AGAP1: variants seen among roughly 807,000 people sequenced by gnomAD.
AGAP1 encodes the protein ArfGAP with GTPase domain, ankyrin repeat and PH domain 1, also known as arf-GAP with GTPase, ANK repeat and PH domain-containing protein 1.
In AGAP1, 29 loss-of-function variants were observed where a neutral mutation model predicts 105.3. The observed-to-expected ratio is 0.28, with a 90% confidence interval of 0.21 to 0.38. AGAP1 has a LOEUF of 0.38. Among genes scored for constraint, AGAP1 ranks in the 10% least tolerant of loss-of-function variants. The pLI is 1.00. For synonymous variants in AGAP1, 509 were observed against 485.9 expected (o/e 1.05, Z -0.63); for missense variants, 998 against 1,165.1 (o/e 0.86, Z 2.09).
chr2:235,984,547 C>A (rs544664663), intron 13 of AGAP1, among the ~76,000 whole-genome samples: 1 of 149,052 alleles, frequency 6.7e-6, no homozygotes, highest in Non-Finnish European at 1.5e-5. Flanking sequence ...CATAGGTATA[C>A]ATATGCCATG....
At position 235,660,656 on chromosome 2, in the gene AGAP1, G is replaced by A. The variant is rs771021366; in HGVS notation, c.164-48523G>A. 5.9e-5 allele frequency among the ~76,000 whole-genome samples: 9 copies of A among 152,144 alleles called. No homozygotes were observed. Among genetic ancestry groups the A allele is most frequent in the Non-Finnish European group, 1.0e-4 (7 of 68,038 alleles). On this transcript the variant is annotated intron_variant, in intron 1 of 17. Coordinates refer to ENST00000304032, the MANE Select transcript of AGAP1 (RefSeq NM_001037131.3). This position sits in a 1 kb window ranked among gnomAD's most constrained non-coding sequence, Gnocchi z 5.3. ...AGCTCCATCCTGCTGATCCCAGCAG[G>A]AGATAGTGGCGAGACTGGGTATGGT...
chr2:235,703,954 G>T (rs1568067), intron 1 of AGAP1, among the ~76,000 whole-genome samples: 18 of 152,042 alleles, frequency 1.2e-4, no homozygotes, highest in African/African-American at 3.6e-4. Context: ...GGATTACAGG[G>T]GTGAGCCACC....
rs1334315350 is a variant in AGAP1, at chr2:235,953,696, C to A, written c.1484-14766C>A. Among the ~76,000 whole-genome samples the A allele has an allele frequency of 6.6e-6, 1 of 152,066 alleles. No homozygotes were observed. Among genetic ancestry groups the A allele is most frequent in the African/African-American group, 2.4e-5 (1 of 41,408 alleles). On this transcript the variant is annotated intron_variant, in intron 12 of 17. Transcript: ENST00000304032. The surrounding 1 kb of genome is among the most constrained non-coding windows in gnomAD (Gnocchi z 5.2). ...CTGTAATCTCAGTGCTTTGGGAGGCCAAAGCAGAAGGATCACTCAAGCTAG... is the reference window on the plus strand; with the variant it reads ...CTGTAATCTCAGTGCTTTGGGAGGCAAAAGCAGAAGGATCACTCAAGCTAG...
At chr2:235,661,115 A>T (rs1214952577) in intron 1 of AGAP1, among the ~76,000 whole-genome samples, 1 of 152,166 alleles carries the variant, frequency 6.6e-6, no homozygotes. Context: ...GGGGTGGGTC[A>T]GCAAGGACGT....
At position 235,615,318 on chromosome 2, in the gene AGAP1, G is replaced by A. The variant is rs140434574; in HGVS notation, c.164-93861G>A. Among the ~76,000 whole-genome samples, 117 of 152,258 alleles carry A rather than the reference G, an allele frequency of 7.7e-4. No individual in the cohort carries two copies. Among genetic ancestry groups the A allele is most frequent in the African/African-American group, 2.3e-3 (96 of 41,538 alleles). On this transcript the variant is annotated intron_variant, in intron 1 of 17. Coordinates refer to ENST00000304032, the MANE Select transcript of AGAP1 (RefSeq NM_001037131.3). The surrounding 1 kb of genome is among the most constrained non-coding windows in gnomAD (Gnocchi z 5.0). ...GCATCCATCCTCCCTGCTCTGCCTC[G>A]CACTGCCTTCTAATGGGTCCCACTG...
intron 1 of AGAP1, among the ~76,000 whole-genome samples, chr2:235,618,301 T>C (rs1275940538): frequency 6.6e-6 from 1 of 152,164 alleles, no homozygotes; most frequent in East Asian, 1.9e-4. Flanking sequence ...CAGTAGGTTT[T>C]TGTAGGTGAT....
intron 1 of AGAP1, among the ~76,000 whole-genome samples, chr2:235,645,564 G>C (rs1445141625): frequency 2.6e-5 from 4 of 152,138 alleles, no homozygotes; most frequent in Non-Finnish European, 4.4e-5. Context: ...GGGCCACCGT[G>C]AAAGAAGAAG....
rs1157248535 is a variant in AGAP1, at chr2:235,739,336, A to G, written c.311-1627A>G. On this transcript the variant is annotated intron_variant, in intron 3 of 17. Coordinates refer to ENST00000304032, the MANE Select transcript of AGAP1 (RefSeq NM_001037131.3). The surrounding 1 kb of genome is among the most constrained non-coding windows in gnomAD (Gnocchi z 5.3). ...TTCATGATGACAACAGCTCTGCTAG[A>G]AAAGCATTTCTTTTTTGCCTACGAG... 6.6e-6 allele frequency among the ~76,000 whole-genome samples: 1 copy of G among 152,214 alleles called. No homozygotes were observed. Among genetic ancestry groups the G allele is most frequent in the African/African-American group, 2.4e-5 (1 of 41,456 alleles).
chr2:236,105,414 C>A lies in AGAP1; in HGVS notation c.2115-14778C>A, dbSNP rs2059458541. Among the ~76,000 whole-genome samples the A allele has an allele frequency of 6.6e-6, 1 of 152,084 alleles. No individual in the cohort carries two copies. The highest frequency in any genetic ancestry group is 2.4e-5 in the African/African-American group (1 of 41,422). On this transcript the variant is annotated intron_variant, in intron 16 of 17. Transcript: ENST00000304032. This position sits in a 1 kb window ranked among gnomAD's most constrained non-coding sequence, Gnocchi z 4.2. ...TACACAACAGAAAGTATTCCTCACA[C>A]TTCTGAGGAATGGGAAGTCCAAGGT...
chr2:235,674,494 C>G (rs940274553), intron 1 of AGAP1, among the ~76,000 whole-genome samples: 1 of 152,178 alleles, frequency 6.6e-6, no homozygotes, highest in East Asian at 1.9e-4. Flanking sequence ...CCAGAACATT[C>G]GGTGTCTTTA....
chr2:235,975,717 T>C (rs1478184379), intron 13 of AGAP1, among the ~76,000 whole-genome samples: 3 of 152,210 alleles, frequency 2.0e-5, no homozygotes, highest in Non-Finnish European at 4.4e-5. Flanking sequence ...GGAGATCCAG[T>C]TGCACAAGTG....
In AGAP1 at chr2:235,958,131, T is replaced by C. The variant is rs754856671; in HGVS notation, c.1484-10331T>C. On this transcript the variant is annotated intron_variant, in intron 12 of 17. Coordinates refer to ENST00000304032, the MANE Select transcript of AGAP1 (RefSeq NM_001037131.3). This position sits in a 1 kb window ranked among gnomAD's most constrained non-coding sequence, Gnocchi z 4.1. ...GCATTTTGTATCTTTAATCAACATG[T>C]AGAAAATGAACAGCCAACCCTTCGG... 2.0e-5 allele frequency among the ~76,000 whole-genome samples: 3 copies of C among 152,172 alleles called. No homozygotes were observed. The highest frequency in any genetic ancestry group is 6.5e-5 in the Admixed American group (1 of 15,282).
rs924012569 is a variant in AGAP1, at chr2:235,600,882, A to G, written c.163+106033A>G. 1.3e-5 allele frequency among the ~76,000 whole-genome samples: 2 copies of G among 152,150 alleles called. No homozygotes were observed. Among genetic ancestry groups the G allele is most frequent in the African/African-American group, 4.8e-5 (2 of 41,434 alleles). On this transcript the variant is annotated intron_variant, in intron 1 of 17. Coordinates refer to ENST00000304032, the MANE Select transcript of AGAP1 (RefSeq NM_001037131.3). This position sits in a 1 kb window ranked among gnomAD's most constrained non-coding sequence, Gnocchi z 4.8. ...CATCTTTCAATCCAGTCAGGTTGAC[A>G]CTCAGTATTAACCAGCATACCCACC...
intron 16 of AGAP1, among the ~76,000 whole-genome samples, chr2:236,097,550 A>G (rs528792475): frequency 1.2e-3 from 187 of 151,702 alleles, no homozygotes; most frequent in African/African-American, 4.4e-3. Context: ...GTGCCACCAC[A>G]CCCAGCTAAG....
At chr2:235,968,421 CATTTT>C in intron 12 of AGAP1, 36 bp from the exon 13 acceptor site, 2 of 1,345,402 alleles carry the variant, frequency 1.5e-6, no homozygotes, top group Admixed American at 2.2e-5. Flanking sequence ...GCTCACTCTG[CATTTT>C]TTTTTTTTTT....
At chr2:235,670,147 C>A (rs1402174255) in intron 1 of AGAP1, 2 of 582,344 alleles carry the variant, frequency 3.4e-6, no homozygotes, top group African/African-American at 3.9e-5. Context: ...CACCCGCGGA[C>A]GCGATGCCGC....
intron 12 of AGAP1, among the ~76,000 whole-genome samples, chr2:235,950,160 CT>C (rs1364120609): frequency 1.3e-5 from 2 of 152,116 alleles, no homozygotes; most frequent in Admixed American, 6.5e-5. Context: ...AAAGTCTAGC[CT>C]GGGTTACGGC....
intron 10 of AGAP1, among the ~76,000 whole-genome samples, chr2:235,890,310 C>T (rs933767227): frequency 2.6e-5 from 4 of 152,028 alleles, no homozygotes; most frequent in Non-Finnish European, 4.4e-5. Context: ...TGCACCACCA[C>T]GCCTGGCTAA....
At chr2:235,895,697 TGTTG>T (rs1303589275) in intron 10 of AGAP1, among the ~76,000 whole-genome samples, 5 of 143,466 alleles carry the variant, frequency 3.5e-5, no homozygotes, top group Non-Finnish European at 6.1e-5. Context: ...AACACTGGCT[TGTTG>T]GATGGATGGA....
Sources: gnomAD v4.1 joint callset for allele counts (sites outside exome capture counted in the v4.1 genomes callset) on GRCh38, gnomAD v4.1.1 for gene constraint, Gnocchi (gnomAD v3.1) non-coding constraint, MANE v1.5 for transcripts, NCBI Gene and HGNC (gene_info 2026-07-23, HGNC 2026-07-21) for gene names.